LPAR1: variants seen among roughly 807,000 people sequenced by gnomAD.
The protein encoded by LPAR1 is lysophosphatidic acid receptor 1.
A neutral mutation model predicts 23.8 loss-of-function variants in LPAR1; 5 were observed. The ratio of observed to expected loss-of-function variants is 0.21; its 90% CI spans 0.11 to 0.44. The LOEUF is 0.44. Among genes scored for constraint, LPAR1 ranks in the 20% least tolerant of loss-of-function variants. LPAR1 has a pLI of 0.99. For missense variants in LPAR1, 311 were observed against 482.8 expected (o/e 0.64, Z 3.33); for synonymous variants, 160 against 164.7 (o/e 0.97, Z 0.22).
At chr9:110,926,167 G>A (rs557286445) in intron 5 of LPAR1, among the ~76,000 whole-genome samples, 12 of 152,118 alleles carry the variant, frequency 7.9e-5, no homozygotes, top group Admixed American at 5.2e-4. Flanking sequence ...TGATCCGCCC[G>A]CCTAGGCCTC....
chr9:110,898,599 G>A (rs146247341), intron 5 of LPAR1, among the ~76,000 whole-genome samples: 4 of 152,284 alleles, frequency 2.6e-5, no homozygotes, highest in African/African-American at 7.2e-5. Flanking sequence ...ACACGTTCAC[G>A]AGATGAAGAC....
At chr9:110,967,885 C>A (rs143354447) in intron 4 of LPAR1, among the ~76,000 whole-genome samples, 9 of 152,308 alleles carry the variant, frequency 5.9e-5, no homozygotes, top group Non-Finnish European at 1.0e-4. Context: ...ACCCAATGGT[C>A]TGCATCTCTC....
chr9:110,896,694 TAATA>T (rs2133564233), intron 5 of LPAR1, among the ~76,000 whole-genome samples: 1 of 152,148 alleles, frequency 6.6e-6, no homozygotes, highest in African/African-American at 2.4e-5. Flanking sequence ...TATGAACTTG[TAATA>T]AACACATAAT....
intron 5 of LPAR1, among the ~76,000 whole-genome samples, chr9:110,885,022 G>T (rs966569951): frequency 6.6e-6 from 1 of 152,044 alleles, no homozygotes; most frequent in African/African-American, 2.4e-5. Flanking sequence ...GTGGCTTTTG[G>T]TTTGTCTGTT....
At position 110,969,379 on chromosome 9, in the gene LPAR1, G is replaced by A. The variant is rs549751054; in HGVS notation, c.45+2694C>T. ...TTCTTTTTCCTCCATACGATATCTT[G>A]GAGTAATATATAGCTGTGTAGACAT... On this transcript the variant is annotated intron_variant, in intron 4 of 5. Transcript: ENST00000683809. 7.9e-5 allele frequency among the ~76,000 whole-genome samples: 12 copies of A among 152,088 alleles called. No homozygotes were observed. In the East Asian group the frequency reaches 1.5e-3, roughly 20 times the overall value.
chr9:110,878,475 C>A (rs906455208), intron 5 of LPAR1, among the ~76,000 whole-genome samples: 1 of 152,124 alleles, frequency 6.6e-6, no homozygotes, highest in Non-Finnish European at 1.5e-5. Context: ...ATAAACCACA[C>A]CTAAACCCCT....
At chr9:111,024,206 T>C (rs1229144768) in intron 2 of LPAR1, among the ~76,000 whole-genome samples, 4 of 151,830 alleles carry the variant, frequency 2.6e-5, no homozygotes, top group African/African-American at 9.7e-5. Flanking sequence ...ATGCAGAAGA[T>C]GCAACTGGCC....
intron 5 of LPAR1, among the ~76,000 whole-genome samples, chr9:110,889,111 C>T (rs2083281850): frequency 6.6e-6 from 1 of 152,146 alleles, no homozygotes; most frequent in South Asian, 2.1e-4. Context: ...CCTGTAATCC[C>T]AGCACTTTGG....
intron 4 of LPAR1, among the ~76,000 whole-genome samples, chr9:110,946,345 T>C (rs1177029551): frequency 6.6e-6 from 1 of 152,172 alleles, no homozygotes; most frequent in Non-Finnish European, 1.5e-5. Context: ...TAAATTTATG[T>C]AGATTACAAA....
chr9:111,004,333 C>A (rs531674196), intron 2 of LPAR1, among the ~76,000 whole-genome samples: 2 of 152,236 alleles, frequency 1.3e-5, no homozygotes, highest in South Asian at 2.1e-4. Context: ...GCTAGGTTTC[C>A]TATTCAAGAA....
chr9:111,014,485 T>C (rs753159413), intron 2 of LPAR1, among the ~76,000 whole-genome samples: 4 of 152,066 alleles, frequency 2.6e-5, no homozygotes, highest in Non-Finnish European at 4.4e-5. Flanking sequence ...ACCACTTGAA[T>C]GATCCGAGCC....
At chr9:111,010,528 G>T (rs1207956959) in intron 2 of LPAR1, among the ~76,000 whole-genome samples, 5 of 152,060 alleles carry the variant, frequency 3.3e-5, no homozygotes, top group African/African-American at 9.7e-5. Context: ...GAGGCAAAAA[G>T]TCAACATTTA....
At chr9:110,889,539 C>A (rs1334350628) in intron 5 of LPAR1, among the ~76,000 whole-genome samples, 1 of 152,024 alleles carries the variant, frequency 6.6e-6, no homozygotes, top group African/African-American at 2.4e-5. Flanking sequence ...ATTAGTATTG[C>A]CATGGCTAAA....
intron 5 of LPAR1, among the ~76,000 whole-genome samples, chr9:110,922,848 T>TTA (rs1379417296): frequency 6.8e-6 from 1 of 148,088 alleles, no homozygotes; most frequent in Non-Finnish European, 1.5e-5. Context: ...ATTATTATTA[T>TTA]TATTATTATA....
At chr9:110,957,324 A>C (rs547422691) in intron 4 of LPAR1, among the ~76,000 whole-genome samples, 15 of 142,468 alleles carry the variant, frequency 1.1e-4, no homozygotes, top group African/African-American at 3.7e-4. Flanking sequence ...TAGGTGATAG[A>C]GTGATACTCT....
chr9:110,893,371 G>T (rs191691443), intron 5 of LPAR1, among the ~76,000 whole-genome samples: 4 of 152,270 alleles, frequency 2.6e-5, no homozygotes, highest in African/African-American at 9.6e-5. Context: ...TACATAAGTG[G>T]AGTAGTAAGC....
Position 110,908,354 on chromosome 9 carries a change from A to C in LPAR1, c.794-32632T>G, listed in dbSNP as rs567267051. 6.7e-5 allele frequency among the ~76,000 whole-genome samples: 10 copies of C among 149,796 alleles called. No homozygotes were observed. The South Asian group carries it at 1.9e-3, about 28-fold the overall frequency. On this transcript the variant is annotated intron_variant, in intron 5 of 5. Transcript: ENST00000683809. ...ATATATTATAATTAACTATATATTA[A>C]ATTGATACTAAGTTATTGTCTAGAT...
At chr9:110,992,549 A>G (rs1476045595) in intron 2 of LPAR1, among the ~76,000 whole-genome samples, 1 of 152,242 alleles carries the variant, frequency 6.6e-6, no homozygotes, top group Non-Finnish European at 1.5e-5. Flanking sequence ...TGCTTCTAGT[A>G]GTTTTATCTG....
intron 2 of LPAR1, among the ~76,000 whole-genome samples, chr9:110,985,924 G>C (rs1394261561): frequency 6.6e-6 from 1 of 151,988 alleles, no homozygotes; most frequent in Non-Finnish European, 1.5e-5. Flanking sequence ...GGAGAAAATT[G>C]AGCTCAAGGG....
Sources: gnomAD v4.1 joint callset for allele counts (sites outside exome capture counted in the v4.1 genomes callset) on GRCh38, gnomAD v4.1.1 for gene constraint, MANE v1.5 for transcripts, NCBI Gene and HGNC (gene_info 2026-07-23, HGNC 2026-07-21) for gene names.